Variants in EPHA6 observed in about 807,000 individuals in gnomAD.
The protein encoded by EPHA6 is ephrin type-A receptor 6.
Under a neutral mutation model 112.0 loss-of-function variants are expected in EPHA6, and 50 were observed. That is an observed-to-expected ratio of 0.45 (90% CI 0.36 to 0.56). The LOEUF (loss-of-function observed/expected upper bound fraction) is 0.56, where lower values mean the gene tolerates loss of function less well. EPHA6 is among the 20% of genes least tolerant of loss of function. The pLI is 0.00. For missense variants in EPHA6, 1,280 were observed against 1,417.4 expected (o/e 0.90, Z 1.56); for synonymous variants, 529 against 490.7 (o/e 1.08, Z -1.03).
intron 3 of EPHA6, among the ~76,000 whole-genome samples, chr3:97,160,904 T>A (rs529808373): frequency 1.1e-4 from 16 of 152,232 alleles, no homozygotes; most frequent in Admixed American, 3.9e-4. Flanking sequence ...CATCTATAAA[T>A]CAGGTACCAG....
chr3:97,226,666 G>A (rs986130304), intron 4 of EPHA6, among the ~76,000 whole-genome samples: 4 of 152,130 alleles, frequency 2.6e-5, no homozygotes, highest in African/African-American at 9.7e-5. Context: ...CTGGTTTGAG[G>A]CCCTACAAGT....
intron 3 of EPHA6, among the ~76,000 whole-genome samples, chr3:97,005,352 C>A (rs2043837736): frequency 6.6e-6 from 1 of 152,008 alleles, no homozygotes; most frequent in African/African-American, 2.4e-5. Context: ...AGCTGTATTC[C>A]TAGGTATATT....
At chr3:97,658,956 T>G (rs2094152997) in intron 14 of EPHA6, among the ~76,000 whole-genome samples, 1 of 151,940 alleles carries the variant, frequency 6.6e-6, no homozygotes, top group Non-Finnish European at 1.5e-5. Context: ...TTTTTCTTTC[T>G]TAGTTTAATA....
At chr3:97,058,850 T>A (rs951149251) in intron 3 of EPHA6, among the ~76,000 whole-genome samples, 1 of 152,182 alleles carries the variant, frequency 6.6e-6, no homozygotes, top group African/African-American at 2.4e-5. Flanking sequence ...AGTAAGATTG[T>A]TTTTATATTT....
intron 3 of EPHA6, among the ~76,000 whole-genome samples, chr3:97,095,859 AT>A (rs1219408555): frequency 1.3e-5 from 2 of 151,988 alleles, no homozygotes; most frequent in Non-Finnish European, 2.9e-5. Flanking sequence ...GAGAATTTTC[AT>A]TTCTAGTAAG....
At chr3:97,310,600 G>A (rs893783405) in intron 5 of EPHA6, among the ~76,000 whole-genome samples, 2 of 151,456 alleles carry the variant, frequency 1.3e-5, no homozygotes, top group Non-Finnish European at 3.0e-5. Context: ...GTTACTGCTA[G>A]TGGTGGTAAA....
At chr3:97,652,914 A>G (rs968174651) in intron 14 of EPHA6, among the ~76,000 whole-genome samples, 2 of 152,028 alleles carry the variant, frequency 1.3e-5, no homozygotes, top group Non-Finnish European at 2.9e-5. Flanking sequence ...CTGATATAGT[A>G]ATCAACAAAT....
intron 2 of EPHA6, among the ~76,000 whole-genome samples, chr3:96,869,144 T>C (rs2036496318): frequency 6.6e-6 from 1 of 152,070 alleles, no homozygotes; most frequent in African/African-American, 2.4e-5. Flanking sequence ...GAATTCAATT[T>C]AACAAACTTC....
chr3:97,000,287 A>ACACACACACACATACACATATATATAGC (rs138184966), intron 3 of EPHA6, among the ~76,000 whole-genome samples: 1 of 147,102 alleles, frequency 6.8e-6, no homozygotes, highest in Non-Finnish European at 1.5e-5. Context: ...ACACACACAC[A>ACACACACACACATACACATATATATAGC]CACACATATA....
At chr3:96,854,889 A>C (rs1400244038) in intron 1 of EPHA6, among the ~76,000 whole-genome samples, 1 of 152,174 alleles carries the variant, frequency 6.6e-6, no homozygotes, top group Non-Finnish European at 1.5e-5. Context: ...CTGCTGTAAC[A>C]AATTACTACA....
At chr3:96,932,831 A>G (rs976925148) in intron 2 of EPHA6, among the ~76,000 whole-genome samples, 7 of 152,222 alleles carry the variant, frequency 4.6e-5, no homozygotes, top group Admixed American at 4.6e-4. Flanking sequence ...TTTTAAACAT[A>G]TATGTATTTT....
At position 97,485,845 on chromosome 3, in the gene EPHA6, T is replaced by C. The variant is rs547091965; in HGVS notation, c.2200+1786T>C. On this transcript the variant is annotated intron_variant, in intron 10 of 17. Coordinates refer to ENST00000389672, the MANE Select transcript of EPHA6 (RefSeq NM_001080448.3). ...TTCTTGCACCTGTGAAAAACTGATATGTCTTTTTATACTGCCTTGTCCAAT... is the reference window on the plus strand; with the variant it reads ...TTCTTGCACCTGTGAAAAACTGATACGTCTTTTTATACTGCCTTGTCCAAT... Among the ~76,000 whole-genome samples the C allele has an allele frequency of 6.6e-5, 10 of 152,328 alleles. No individual in the cohort carries two copies. In the East Asian group the frequency reaches 1.5e-3, roughly 24 times the overall value.
At chr3:97,173,491 T>G (rs1418212207) in intron 3 of EPHA6, among the ~76,000 whole-genome samples, 1 of 151,870 alleles carries the variant, frequency 6.6e-6, no homozygotes, top group Non-Finnish European at 1.5e-5. Context: ...TATGCCAGGA[T>G]AGCAGCAGAG....
chr3:97,328,869 G>T lies in EPHA6; in HGVS notation c.1607-76281G>T, dbSNP rs1184564403. 2.6e-5 allele frequency among the ~76,000 whole-genome samples: 4 copies of T among 152,186 alleles called. No homozygotes were observed. In the East Asian group the frequency reaches 7.7e-4, roughly 29 times the overall value. On this transcript the variant is annotated intron_variant, in intron 5 of 17. Coordinates refer to ENST00000389672, the MANE Select transcript of EPHA6 (RefSeq NM_001080448.3). ...CTAGGGTACATGTGCACAACGTGCA[G>T]GTTTGTTACATATGTATGCATGTGC...
chr3:96,952,511 G>A (rs2041587850), intron 2 of EPHA6, among the ~76,000 whole-genome samples: 1 of 152,066 alleles, frequency 6.6e-6, no homozygotes, highest in Non-Finnish European at 1.5e-5. Context: ...TGTGCTTCTT[G>A]CCTTTCTGCC....
intron 2 of EPHA6, among the ~76,000 whole-genome samples, chr3:96,921,102 TAACTATATCTCAA>T (rs2039738457): frequency 6.7e-6 from 1 of 149,876 alleles, no homozygotes; most frequent in South Asian, 2.1e-4. Context: ...ACTATGCGTA[TAACTATATCTCAA>T]AAAATATTTA....
chr3:96,919,249 T>C (rs2039639597), intron 2 of EPHA6, among the ~76,000 whole-genome samples: 1 of 151,908 alleles, frequency 6.6e-6, no homozygotes, highest in Non-Finnish European at 1.5e-5. Context: ...GTTAGTATAC[T>C]ACACTGAAAA....
chr3:96,984,046 C>G (rs973495092), intron 2 of EPHA6, among the ~76,000 whole-genome samples: 2 of 152,216 alleles, frequency 1.3e-5, no homozygotes, highest in African/African-American at 2.4e-5. Flanking sequence ...GCCTTCTTCT[C>G]TCAACTCGTC....
intron 11 of EPHA6, among the ~76,000 whole-genome samples, chr3:97,583,760 T>G (rs2093463044): frequency 6.6e-6 from 1 of 152,168 alleles, no homozygotes; most frequent in South Asian, 2.1e-4. Context: ...TCCCAGCAAG[T>G]TACTTTGTGG....
Sources: allele counts gnomAD v4.1 joint callset (sites outside exome capture counted in the v4.1 genomes callset), GRCh38; gene constraint gnomAD v4.1.1; transcripts MANE v1.5; gene names NCBI Gene and HGNC (gene_info 2026-07-23, HGNC 2026-07-21).